ARHGAP35: variants seen among roughly 807,000 people sequenced by gnomAD.
ARHGAP35 encodes the protein Rho GTPase activating protein 35, also known as rho GTPase-activating protein 35.
In ARHGAP35, 15 loss-of-function variants were observed where a neutral mutation model predicts 111.1. The ratio of observed to expected loss-of-function variants is 0.13; its 90% confidence interval spans 0.09 to 0.21. ARHGAP35 has a LOEUF of 0.21. Among genes scored for constraint, ARHGAP35 ranks in the 10% least tolerant of loss-of-function variants. The probability of loss-of-function intolerance (pLI) is 1.00; values close to 1 mark genes in which losing one functional copy is unlikely to be tolerated. For synonymous variants in ARHGAP35, 643 were observed against 710.3 expected, an observed-to-expected ratio of 0.91 and a Z score of 1.51; for missense variants, 1,262 against 1,873.0, an observed-to-expected ratio of 0.67 and a Z score of 6.02.
intron 1 of ARHGAP35, among the ~76,000 whole-genome samples, chr19:46,872,800 G>C (rs962750186): frequency 1.3e-5 from 2 of 150,500 alleles, no homozygotes; most frequent in Non-Finnish European, 2.9e-5. Context: ...AGAATGGCGT[G>C]AACCCGGGAG....
intron 3 of ARHGAP35, among the ~76,000 whole-genome samples, chr19:46,977,087 G>A (rs2056583743): frequency 6.6e-6 from 1 of 152,188 alleles, no homozygotes; most frequent in Non-Finnish European, 1.5e-5. Context: ...GTCTGGGAAG[G>A]CTGAGCCCTG....
chr19:46,905,629 A>AACCTCC (rs2056103834), intron 1 of ARHGAP35, among the ~76,000 whole-genome samples: 1 of 150,816 alleles, frequency 6.6e-6, no homozygotes, highest in African/African-American at 2.5e-5. Flanking sequence ...AGCTCACTGC[A>AACCTCC]ACCTCCACCT....
Position 47,000,561 on chromosome 19 carries a change from C to T in ARHGAP35, c.4373C>T (p.Thr1458Ile), listed in dbSNP as rs758251576. ...RPSSPSAVAS[T>I]VPFLTSTPVT... ...AGCTCCCCCTCTGCCGTGGCTTCCACCGTCCCCTTCCTCACTTCCACGCCT... is the reference window on the plus strand; with the variant it reads ...AGCTCCCCCTCTGCCGTGGCTTCCATCGTCCCCTTCCTCACTTCCACGCCT... Residue 1458 changes from threonine to isoleucine, a missense_variant, in exon 7 of 7, where the codon ACC becomes ATC. Thr to Ile is a moderately conservative substitution (Grantham distance 89). Transcript: ENST00000672722. This position sits in a 1 kb window ranked among gnomAD's most constrained non-coding sequence, Gnocchi z 6.9. 6.2e-6 allele frequency: 10 copies of T among 1,613,456 alleles called. No homozygotes were observed. The highest frequency in any genetic ancestry group is 8.5e-6 in the Non-Finnish European group (10 of 1,179,850).
In ARHGAP35 at chr19:46,920,599, G is replaced by A. The variant is rs2056192763; in HGVS notation, c.1924G>A (p.Gly642Arg). Residue 642 changes from glycine (G) to arginine (R), a missense_variant, in exon 2 of 7, where the codon GGG becomes AGG. Physicochemically the swap from Gly to Arg is moderately radical, Grantham distance 125. This residue lies in a region of ARHGAP35 where 37 missense variants were observed against 83.9 expected (regional missense o/e 0.44). Coordinates refer to ENST00000672722, the MANE Select transcript of ARHGAP35 (RefSeq NM_004491.5). This position sits in a 1 kb window ranked among gnomAD's most constrained non-coding sequence, Gnocchi z 7.0. ...MYELSLRPIEGNVRLPVNSFQ... is the reference protein window; with the variant it reads ...MYELSLRPIERNVRLPVNSFQ... Reference sequence around the variant, plus strand: ...TGAGCTTTCCCTGAGGCCAATAGAGGGGAATGTCAGGCTTCCTGTGAACTC... The same window carrying A: ...TGAGCTTTCCCTGAGGCCAATAGAGAGGAATGTCAGGCTTCCTGTGAACTC... 1 of 1,613,894 alleles carries A rather than the reference G, an allele frequency of 6.2e-7. No homozygotes were observed. The highest frequency in any genetic ancestry group is 1.3e-5 in the African/African-American group (1 of 74,926).
chr19:46,979,302 C>T (rs966050794), intron 3 of ARHGAP35, among the ~76,000 whole-genome samples: 1 of 152,088 alleles, frequency 6.6e-6, no homozygotes, highest in African/African-American at 2.4e-5. Context: ...AGACGTCTCA[C>T]GTTCTTGGCA....
Position 46,999,194 on chromosome 19 carries a change from C to T in ARHGAP35, c.4037-110C>T. The T allele has an allele frequency of 1.4e-6, 1 of 705,958 alleles. No individual in the cohort carries two copies. The highest frequency in any genetic ancestry group is 2.4e-6 in the Non-Finnish European group (1 of 410,106). The allele number at this position is 705,958 out of a possible 1,614,324, so 43.7% of individuals were successfully genotyped here. ...TTGGGGGAAAGAGTGGGGTTAGTGT[C>T]ATCCAAAAGCCCTGGGCTGTCCTCA... On this transcript the variant is annotated intron_variant, in intron 5 of 6. Transcript: ENST00000672722. This position sits in a 1 kb window ranked among gnomAD's most constrained non-coding sequence, Gnocchi z 5.4.
At chr19:46,955,588 T>C (rs1357761879) in intron 3 of ARHGAP35, among the ~76,000 whole-genome samples, 1 of 152,210 alleles carries the variant, frequency 6.6e-6, no homozygotes, top group African/African-American at 2.4e-5. Context: ...TTTCATACGA[T>C]GTTTTTTGTT....
rs747218132 is a variant in ARHGAP35 at position 46,993,410 on chromosome 19, G to A, written c.4036+3735G>A. ...CTAGAGCTTGGTTGGCAGCCTGGCT[G>A]CCAGTGATGGCAAGTGGCGCAGCAC... is the stretch of plus-strand genomic sequence containing the variant. On this transcript the variant is annotated intron_variant, in intron 5 of 6. Coordinates refer to ENST00000672722, the MANE Select transcript of ARHGAP35 (RefSeq NM_004491.5). The surrounding 1 kb of genome is among the most constrained non-coding windows in gnomAD (Gnocchi z 4.6). Among the ~76,000 whole-genome samples, 12 of 152,364 alleles carry A rather than the reference G, an allele frequency of 7.9e-5. No individual in the cohort carries two copies. The highest frequency in any genetic ancestry group is 3.3e-4 in the Admixed American group (5 of 15,312).
At chr19:46,881,089 C>T (rs919529074) in intron 1 of ARHGAP35, among the ~76,000 whole-genome samples, 4 of 151,858 alleles carry the variant, frequency 2.6e-5, no homozygotes, top group South Asian at 2.1e-4. Flanking sequence ...GGATTACAGG[C>T]GCATGCCACC....
Position 46,956,704 on chromosome 19 carries a change from G to T in ARHGAP35, c.3826+19296G>T, listed in dbSNP as rs138674325. Among the ~76,000 whole-genome samples the T allele has an allele frequency of 6.6e-5, 10 of 152,314 alleles. No individual in the cohort carries two copies. The East Asian group carries it at 1.7e-3, about 26-fold the overall frequency. On this transcript the variant is annotated intron_variant, in intron 3 of 6. Transcript: ENST00000672722. ...TAATACATCAGTGTGATTAAGAGCA[G>T]CCACATGGAGTCAGTCTCTTTGGAT...
At position 46,993,576 on chromosome 19, in the gene ARHGAP35, CTCTG is replaced by C. The variant is rs1184375977; in HGVS notation, c.4036+3908_4036+3911del. Among the ~76,000 whole-genome samples the C allele has an allele frequency of 5.3e-5, 8 of 152,306 alleles. No individual in the cohort carries two copies. The East Asian group carries it at 1.5e-3, about 29-fold the overall frequency. On this transcript the variant is annotated intron_variant, in intron 5 of 6. Coordinates refer to ENST00000672722, the MANE Select transcript of ARHGAP35 (RefSeq NM_004491.5). The surrounding 1 kb of genome is among the most constrained non-coding windows in gnomAD (Gnocchi z 4.6). ...AGCTAATCGGTAAGGTCCCTGTGCC[CTCTG>C]TCTGTCCCCTCCCCTCCCTCCTGAG...
intron 5 of ARHGAP35, among the ~76,000 whole-genome samples, chr19:46,990,303 T>G (rs1048962963): frequency 6.6e-6 from 1 of 152,238 alleles, no homozygotes. Flanking sequence ...TCATCAGTTG[T>G]TCCTGCCCCA....
chr19:46,920,331 C>T lies in ARHGAP35; in HGVS notation c.1656C>T (p.Tyr552=), dbSNP rs757481918. Residue 552 remains tyrosine, a synonymous_variant, in exon 2 of 7, where the codon TAC becomes TAT. Transcript: ENST00000672722. This position sits in a 1 kb window ranked among gnomAD's most constrained non-coding sequence, Gnocchi z 7.0. ...TTCTGAAACACATTCATTTTGTGTA[C>T]CACCCAACAAAGGAGACATGCCCCA... ...ALILKHIHFV[Y]HPTKETCPSC... is the part of the protein sequence containing the mutation. The T allele has an allele frequency of 5.1e-5, 83 of 1,613,818 alleles. No homozygotes were observed. The highest frequency in any genetic ancestry group is 2.5e-4 in the Admixed American group (15 of 59,992).
chr19:46,934,847 A>AT (rs900682086), intron 2 of ARHGAP35, among the ~76,000 whole-genome samples: 2 of 145,310 alleles, frequency 1.4e-5, no homozygotes, highest in African/African-American at 5.2e-5. Flanking sequence ...TTGTTTTTGT[A>AT]TTTTTTGTAG....
Position 46,861,159 on chromosome 19 carries a change from C to T in ARHGAP35, c.-239C>T, listed in dbSNP as rs901691984. ...GGGAACATGGCGCCGGGGCCCCCGTCGTTGCTGCCGGGATTTTGGAGGCCG... is the reference window on the plus strand; with the variant it reads ...GGGAACATGGCGCCGGGGCCCCCGTTGTTGCTGCCGGGATTTTGGAGGCCG... On this transcript the variant is annotated 5_prime_UTR_variant, in exon 1 of 7. Transcript: ENST00000672722. Among the ~76,000 whole-genome samples, 4 of 151,720 alleles carry T rather than the reference C, an allele frequency of 2.6e-5. No homozygotes were observed. The highest frequency in any genetic ancestry group is 9.7e-5 in the African/African-American group (4 of 41,392).
At chr19:46,869,907 A>G (rs1415646324) in intron 1 of ARHGAP35, among the ~76,000 whole-genome samples, 1 of 145,104 alleles carries the variant, frequency 6.9e-6, no homozygotes, top group Non-Finnish European at 1.5e-5. Context: ...TGCTGCTTTT[A>G]TGGTAACCTT....
intron 3 of ARHGAP35, among the ~76,000 whole-genome samples, chr19:46,941,317 A>G (rs1319439610): frequency 6.6e-6 from 1 of 152,086 alleles, no homozygotes; most frequent in Non-Finnish European, 1.5e-5. Context: ...CCTCCCTGGT[A>G]GTTCTTCTCA....
At chr19:46,944,364 A>G (rs1400580844) in intron 3 of ARHGAP35, among the ~76,000 whole-genome samples, 1 of 152,056 alleles carries the variant, frequency 6.6e-6, no homozygotes, top group East Asian at 1.9e-4. Context: ...ATAGATATGT[A>G]GGACAGAAAG....
intron 1 of ARHGAP35, among the ~76,000 whole-genome samples, chr19:46,885,805 T>G (rs2055990679): frequency 1.3e-5 from 2 of 152,108 alleles, no homozygotes; most frequent in South Asian, 4.1e-4. Flanking sequence ...TTTTTAATTT[T>G]TACCTTTTTA....
Sources: allele counts gnomAD v4.1 joint callset (sites outside exome capture counted in the v4.1 genomes callset), GRCh38; gene constraint gnomAD v4.1.1; regional missense constraint gnomAD v4.1.1; non-coding constraint Gnocchi (gnomAD v3.1); transcripts MANE v1.5; gene names NCBI Gene and HGNC (gene_info 2026-07-23, HGNC 2026-07-21).